Variants in NRF1 observed in about 807,000 individuals in gnomAD.
The protein encoded by NRF1 is nuclear respiratory factor 1.
NRF1 carries 5 observed loss-of-function variants against 58.5 expected under a neutral mutation model. The ratio of observed to expected loss-of-function variants is 0.09; its 90% CI spans 0.04 to 0.18. NRF1 has a LOEUF of 0.18. NRF1 is among the 10% of genes least tolerant of loss of function. NRF1 has a pLI of 1.00. For synonymous variants in NRF1, 224 were observed against 246.7 expected, an observed-to-expected ratio of 0.91 and a Z score of 0.86; for missense variants, 288 against 657.7, an observed-to-expected ratio of 0.44 and a Z score of 6.15.
intron 1 of NRF1, among the ~76,000 whole-genome samples, chr7:129,617,396 CTGTT>C (rs1223659439): frequency 2.6e-5 from 4 of 152,126 alleles, no homozygotes; most frequent in African/African-American, 9.7e-5. Context: ...TTGCTTAAAA[CTGTT>C]TGCGCAGTGG....
intron 4 of NRF1, among the ~76,000 whole-genome samples, chr7:129,681,498 C>T (rs1182902581): frequency 6.6e-6 from 1 of 152,166 alleles, no homozygotes; most frequent in Non-Finnish European, 1.5e-5. Flanking sequence ...TAATATCAGA[C>T]AAAGCCTAAT....
intron 5 of NRF1, among the ~76,000 whole-genome samples, chr7:129,691,368 T>TA (rs1802564153): frequency 2.0e-5 from 3 of 147,818 alleles, no homozygotes; most frequent in African/African-American, 7.4e-5. Context: ...ATTATTATTT[T>TA]TTTTTTTTTT....
chr7:129,742,053 C>G (rs985699398), intron 10 of NRF1, among the ~76,000 whole-genome samples: 1 of 152,156 alleles, frequency 6.6e-6, no homozygotes, highest in Non-Finnish European at 1.5e-5. Flanking sequence ...TTCAACAGAT[C>G]TGCTTTCCTG....
At chr7:129,717,703 T>G (rs938190682) in intron 9 of NRF1, among the ~76,000 whole-genome samples, 1 of 152,198 alleles carries the variant, frequency 6.6e-6, no homozygotes, top group Non-Finnish European at 1.5e-5. Flanking sequence ...GCATCATTCT[T>G]CACTCCTGCC....
At chr7:129,665,463 A>G (rs932397407) in intron 2 of NRF1, among the ~76,000 whole-genome samples, 1 of 152,198 alleles carries the variant, frequency 6.6e-6, no homozygotes, top group African/African-American at 2.4e-5. Flanking sequence ...AAACACTTCT[A>G]ATTCTCTGCA....
chr7:129,642,316 AT>A (rs2151068147), intron 1 of NRF1, among the ~76,000 whole-genome samples: 1 of 152,266 alleles, frequency 6.6e-6, no homozygotes, highest in Non-Finnish European at 1.5e-5. Flanking sequence ...TTATTTACTC[AT>A]TATTCAAGAG....
chr7:129,746,316 A>G (rs1178780014), intron 10 of NRF1, among the ~76,000 whole-genome samples: 1 of 152,112 alleles, frequency 6.6e-6, no homozygotes, highest in Non-Finnish European at 1.5e-5. Flanking sequence ...TTTGTTTGAT[A>G]TTGACATTCT....
chr7:129,644,066 C>G (rs1009752982), intron 1 of NRF1, among the ~76,000 whole-genome samples: 8 of 152,208 alleles, frequency 5.3e-5, no homozygotes, highest in African/African-American at 1.9e-4. Context: ...TTCAGGATGC[C>G]TGCCCCATGT....
At chr7:129,739,359 A>C (rs1331306415) in intron 10 of NRF1, among the ~76,000 whole-genome samples, 1 of 151,762 alleles carries the variant, frequency 6.6e-6, no homozygotes, top group African/African-American at 2.4e-5. Context: ...CTGTGTAGAT[A>C]CAGAACATGT....
intron 5 of NRF1, among the ~76,000 whole-genome samples, chr7:129,695,447 C>T (rs374335096): frequency 2.6e-5 from 4 of 151,876 alleles, no homozygotes; most frequent in Admixed American, 6.6e-5. Context: ...TGTGGTGGCA[C>T]GCCCCTGTAA....
intron 1 of NRF1, among the ~76,000 whole-genome samples, chr7:129,643,710 C>T (rs1278061036): frequency 1.3e-5 from 2 of 152,174 alleles, no homozygotes; most frequent in African/African-American, 4.8e-5. Flanking sequence ...TTGTTGTCAC[C>T]AACCTTCACT....
intron 1 of NRF1, among the ~76,000 whole-genome samples, chr7:129,639,666 G>C (rs1284491356): frequency 6.6e-6 from 1 of 151,180 alleles, no homozygotes; most frequent in Non-Finnish European, 1.5e-5. Context: ...TCCTGCCTCA[G>C]CCTCCCGAGT....
At chr7:129,676,799 G>A (rs1176596627) in intron 3 of NRF1, among the ~76,000 whole-genome samples, 1 of 152,106 alleles carries the variant, frequency 6.6e-6, no homozygotes, top group African/African-American at 2.4e-5. Context: ...TTTAAAGAAA[G>A]ATCCCAGATA....
chr7:129,691,387 A>G (rs1202327582), intron 5 of NRF1, among the ~76,000 whole-genome samples: 2 of 134,842 alleles, frequency 1.5e-5, no homozygotes, highest in Non-Finnish European at 3.1e-5. Flanking sequence ...TTTGAGACAG[A>G]GTCTCGAGCT....
intron 1 of NRF1, among the ~76,000 whole-genome samples, chr7:129,646,534 GAGA>G (rs1223704816): frequency 7.9e-5 from 12 of 152,196 alleles, no homozygotes; most frequent in Non-Finnish European, 5.9e-5. Flanking sequence ...TGGAAGCTCA[GAGA>G]GGTCCTCCTG....
intron 10 of NRF1, among the ~76,000 whole-genome samples, chr7:129,732,432 A>C (rs1362885164): frequency 1.3e-5 from 2 of 152,178 alleles, no homozygotes; most frequent in African/African-American, 4.8e-5. Flanking sequence ...AAGTTGGTGC[A>C]ATTACTTTCA....
At chr7:129,640,010 A>G (rs1376733973) in intron 1 of NRF1, among the ~76,000 whole-genome samples, 1 of 152,220 alleles carries the variant, frequency 6.6e-6, no homozygotes, top group Non-Finnish European at 1.5e-5. Flanking sequence ...TGCTTTGGCA[A>G]CTTTATAAAC....
At chr7:129,715,896 T>C (rs1803176021) in intron 8 of NRF1, among the ~76,000 whole-genome samples, 1 of 152,006 alleles carries the variant, frequency 6.6e-6, no homozygotes, top group Admixed American at 6.6e-5. Flanking sequence ...TCCCAGCTAC[T>C]TGGGAGGCTG....
intron 1 of NRF1, among the ~76,000 whole-genome samples, chr7:129,643,803 A>G (rs1472435028): frequency 6.6e-6 from 1 of 152,218 alleles, no homozygotes; most frequent in Non-Finnish European, 1.5e-5. Flanking sequence ...GACTGCTTTC[A>G]TTTTGACAGG....
Sources: allele counts gnomAD v4.1 joint callset (sites outside exome capture counted in the v4.1 genomes callset), GRCh38; gene constraint gnomAD v4.1.1; transcripts MANE v1.5; gene names NCBI Gene and HGNC (gene_info 2026-07-23, HGNC 2026-07-21).